The following CMC2 variants were observed in gnomAD, a reference collection of about 807,000 sequenced individuals.
The protein encoded by CMC2 is C-X9-C motif containing 2.
In CMC2, 5 loss-of-function variants were observed where a neutral mutation model predicts 7.5. The observed-to-expected ratio is 0.66, with a 90% CI of 0.35 to 1.40. The LOEUF is 1.40. Among genes scored for constraint, CMC2 ranks in the 40% most tolerant of loss-of-function variants. CMC2 has a pLI of 0.04. For missense variants in CMC2, 115 were observed against 92.3 expected (o/e 1.25, Z -1.01); for synonymous variants, 37 against 31.4 (o/e 1.18, Z -0.60).
At chr16:81,002,278 T>G (rs1011689920) in intron 1 of CMC2, among the ~76,000 whole-genome samples, 1 of 151,920 alleles carries the variant, frequency 6.6e-6, no homozygotes, top group African/African-American at 2.4e-5. Flanking sequence ...TTCAAAAAAT[T>G]AGCTGGGCGT....
At position 80,971,560 on chromosome 16, in the gene CMC2, CA is replaced by C; in HGVS notation, c.*4532del. ...ATGGCTATGGATACTGACATACATACATTTTATATATATATATATATATATG... is the reference window on the plus strand; with the variant it reads ...ATGGCTATGGATACTGACATACATACTTTTATATATATATATATATATATG... On this transcript the variant is annotated 3_prime_UTR_variant, in exon 4 of 4. Coordinates refer to ENST00000219400, the MANE Select transcript of CMC2 (RefSeq NM_020188.5). 1.0e-5 allele frequency: 1 copy of C among 99,042 alleles called. No homozygotes were observed. Among genetic ancestry groups the C allele is most frequent in the South Asian group, 2.7e-4 (1 of 3,710 alleles). 6.1% of individuals were successfully genotyped at this position (99,042 alleles called of 1,614,324 possible).
intron 3 of CMC2, chr16:80,978,536 G>C: frequency 5.0e-6 from 2 of 397,582 alleles, no homozygotes; most frequent in South Asian, 2.2e-5. Flanking sequence ...AGGGACAAAA[G>C]AGAATGCCAC....
Position 80,976,172 on chromosome 16 carries a change from T to C in CMC2, c.161A>G (p.Glu54Gly), listed in dbSNP as rs200941646. 5.0e-6 allele frequency: 8 copies of C among 1,586,932 alleles called. No individual in the cohort carries two copies. In the East Asian group the frequency reaches 1.6e-4, roughly 31 times the overall value. Reference sequence around the variant, plus strand: ...ATGCTCCCTGCTCTTGGTCCTGTTTTCTACGTACTGAAAAATAAAAGAAGG... The same window carrying C: ...ATGCTCCCTGCTCTTGGTCCTGTTTCCTACGTACTGAAAAATAAAAGAAGG... ...LRKCLKNEYV[E>G]NRTKSREHGI... is the part of the protein sequence containing the mutation. Residue 54 changes from glutamate to glycine, a missense_variant, in exon 4 of 4, where the codon GAA becomes GGA. Glu to Gly is a moderately conservative substitution (Grantham distance 98). Transcript: ENST00000219400.
intron 2 of CMC2, among the ~76,000 whole-genome samples, chr16:80,994,268 C>A (rs961541289): frequency 6.6e-6 from 1 of 151,452 alleles, no homozygotes; most frequent in African/African-American, 2.4e-5. Context: ...AATCATAGAC[C>A]AATGTAAAGC....
At chr16:81,001,791 T>C (rs890565749) in intron 1 of CMC2, among the ~76,000 whole-genome samples, 4 of 152,080 alleles carry the variant, frequency 2.6e-5, no homozygotes, top group Admixed American at 6.6e-5. Context: ...ACTATTTCAA[T>C]TGCAACTTAT....
chr16:81,005,957 T>C (rs74522559), intron 1 of CMC2, among the ~76,000 whole-genome samples: 2,205 of 152,170 alleles, frequency 0.014, 44 homozygotes, highest in African/African-American at 0.049. Context: ...CTCAACGCAG[T>C]AGGAAAAGGA....
At chr16:80,998,586 C>T (rs1478807252) in intron 1 of CMC2, 2 of 152,106 alleles carry the variant, frequency 1.3e-5, no homozygotes, top group African/African-American at 2.4e-5. Flanking sequence ...CCCATGTTCA[C>T]GGCATATTAT....
intron 2 of CMC2, among the ~76,000 whole-genome samples, chr16:80,994,204 C>T (rs1968227767): frequency 6.6e-6 from 1 of 152,032 alleles, no homozygotes; most frequent in Admixed American, 6.6e-5. Context: ...AACTTGAAAT[C>T]TCAGATAAGA....
At chr16:80,985,087 G>C (rs1223304818) in intron 2 of CMC2, among the ~76,000 whole-genome samples, 4 of 152,204 alleles carry the variant, frequency 2.6e-5, no homozygotes, top group Admixed American at 2.0e-4. Context: ...ACAGAAGTGA[G>C]CAAGGTGGAT....
At chr16:80,992,882 G>A (rs775638550) in intron 2 of CMC2, among the ~76,000 whole-genome samples, 1 of 151,982 alleles carries the variant, frequency 6.6e-6, no homozygotes, top group Admixed American at 6.6e-5. Flanking sequence ...TGTAGAGACA[G>A]GATCTTGCTA....
chr16:80,996,529 C>A (rs1004051829), intron 2 of CMC2, among the ~76,000 whole-genome samples: 1 of 152,076 alleles, frequency 6.6e-6, no homozygotes, highest in East Asian at 1.9e-4. Flanking sequence ...ATTCTTTGAA[C>A]CAGTAAAAAT....
rs1912012072 is a variant in CMC2, at chr16:80,972,669, G to A, written c.*3424C>T. Reference sequence around the variant, plus strand: ...AAACTAGATTTCTCAGGAAAACCTTGGCCTAAGTTCTTCAGCTTCCAAGAG... The same window carrying A: ...AAACTAGATTTCTCAGGAAAACCTTAGCCTAAGTTCTTCAGCTTCCAAGAG... On this transcript the variant is annotated 3_prime_UTR_variant, in exon 4 of 4. Transcript: ENST00000219400. The A allele has an allele frequency of 6.6e-6, 1 of 152,138 alleles. No homozygotes were observed. The highest frequency in any genetic ancestry group is 2.4e-5 in the African/African-American group (1 of 41,430). 9.4% of individuals were successfully genotyped at this position (152,138 alleles called of 1,614,324 possible).
At chr16:80,993,438 A>G (rs1968165829) in intron 2 of CMC2, among the ~76,000 whole-genome samples, 3 of 152,182 alleles carry the variant, frequency 2.0e-5, no homozygotes, top group Admixed American at 1.3e-4. Flanking sequence ...TGAGGTAGAG[A>G]TAAGCAGCAA....
chr16:80,981,742 C>A, intron 3 of CMC2, 64 bp downstream of exon 3: 1 of 1,064,318 alleles, frequency 9.4e-7, no homozygotes, highest in Non-Finnish European at 1.4e-6. Flanking sequence ...GGCAGTAATA[C>A]ACAATATTCA....
intron 2 of CMC2, among the ~76,000 whole-genome samples, chr16:80,990,891 T>A (rs1307636347): frequency 3.3e-5 from 5 of 151,744 alleles, no homozygotes; most frequent in Admixed American, 2.0e-4. Context: ...AGTGACATAA[T>A]TTTTTTTAAT....
At chr16:80,999,196 T>C (rs1012219408) in intron 1 of CMC2, among the ~76,000 whole-genome samples, 8 of 152,164 alleles carry the variant, frequency 5.3e-5, no homozygotes, top group Admixed American at 2.6e-4. Context: ...CCCTAAAGAC[T>C]CTGCCAAATG....
rs1911923994 is a variant in CMC2, at chr16:80,971,573, T to TATATATATATAA, written c.*4519_*4520insTTATATATATAT. 7.1e-6 allele frequency: 1 copy of TATATATATATAA among 140,772 alleles called. No homozygotes were observed. Among genetic ancestry groups the TATATATATATAA allele is most frequent in the Admixed American group, 7.3e-5 (1 of 13,670 alleles). The allele number at this position is 140,772 out of a possible 1,614,324, so 8.7% of individuals were successfully genotyped here. On this transcript the variant is annotated 3_prime_UTR_variant, in exon 4 of 4. Transcript: ENST00000219400. ...CTGACATACATACATTTTATATATA[T>TATATATATATAA]ATATATATATATGTATGAAATCATG...
Position 80,968,574 on chromosome 16 carries a change from T to A in CMC2, c.*7519A>T, listed in dbSNP as rs567037480. 1 of 152,298 alleles carries A rather than the reference T, an allele frequency of 6.6e-6. No individual in the cohort carries two copies. The highest frequency in any genetic ancestry group is 1.9e-4 in the East Asian group (1 of 5,192). The allele number at this position is 152,298 out of a possible 1,614,324, so 9.4% of individuals were successfully genotyped here. Reference sequence around the variant, plus strand: ...GAGTTAGTTCTCTAACTGTTGAAAATATAATCATTCCTAGGGGGCAGTCTT... The same window carrying A: ...GAGTTAGTTCTCTAACTGTTGAAAAAATAATCATTCCTAGGGGGCAGTCTT... On this transcript the variant is annotated 3_prime_UTR_variant, in exon 4 of 4. Coordinates refer to ENST00000219400, the MANE Select transcript of CMC2 (RefSeq NM_020188.5).
chr16:80,981,838 C>G lies in CMC2; in HGVS notation c.121G>C (p.Asp41His). 1 of 1,610,974 alleles carries G rather than the reference C, an allele frequency of 6.2e-7. No individual in the cohort carries two copies. The highest frequency in any genetic ancestry group is 8.5e-7 in the Non-Finnish European group (1 of 1,178,192). ...TTCAGGCATTTTCTCAACTCCCGAT[C>G]AACATCATTACAATAACCAAAAAAT... ...LKFFGYCNDV[D>H]RELRKCLKNE... The change falls in exon 3 of 4, where the codon GAT becomes CAT. Residue 41 changes from aspartate (D) to histidine (H), a missense_variant. Asp to His is a moderately conservative substitution (Grantham distance 81). Coordinates refer to ENST00000219400, the MANE Select transcript of CMC2 (RefSeq NM_020188.5).
Sources: allele counts gnomAD v4.1 joint callset (sites outside exome capture counted in the v4.1 genomes callset), GRCh38; gene constraint gnomAD v4.1.1; transcripts MANE v1.5; gene names NCBI Gene and HGNC (gene_info 2026-07-23, HGNC 2026-07-21).